TBCD: variants seen among roughly 807,000 people sequenced by gnomAD.
TBCD encodes the protein tubulin-specific chaperone D.
A neutral mutation model predicts 169.3 loss-of-function variants in TBCD; 105 were observed. The observed-to-expected ratio is 0.62, with a 90% CI of 0.53 to 0.73. The LOEUF (loss-of-function observed/expected upper bound fraction) is 0.73, where lower values mean the gene tolerates loss of function less well. Ranked by LOEUF, TBCD falls within the 30% of genes least tolerant of loss-of-function variation. The pLI, the probability that TBCD is intolerant of heterozygous loss-of-function variation, is 0.00. For missense variants in TBCD, 1,444 were observed against 1,600.1 expected, an observed-to-expected ratio of 0.90 and a Z score of 1.66; for synonymous variants, 700 against 643.9, an observed-to-expected ratio of 1.09 and a Z score of -1.32.
intron 6 of TBCD, among the ~76,000 whole-genome samples, chr17:82,779,159 G>C (rs2048787736): frequency 6.6e-6 from 1 of 151,892 alleles, no homozygotes; most frequent in Admixed American, 6.6e-5. Context: ...TTACAGGAAT[G>C]CGCCACCATG....
At chr17:82,937,505 A>G in intron 35 of TBCD, 145 bp downstream of exon 35, 4 of 736,930 alleles carry the variant, frequency 5.4e-6, no homozygotes, top group Non-Finnish European at 8.9e-6. Flanking sequence ...TCCAATGTTC[A>G]AAGCAGTCGC....
Position 82,907,745 on chromosome 17 carries a change from G to A in TBCD, c.1923-16G>A. ...TTGGGGAGTGTGACTTCAGCTCTGT[G>A]TTTGAACTTCTGCAGGCCCGTCACG... On this transcript the variant is annotated splice_polypyrimidine_tract_variant and intron_variant, in intron 20 of 38. Coordinates refer to ENST00000355528, the MANE Select transcript of TBCD (RefSeq NM_005993.5). 6.2e-7 allele frequency: 1 copy of A among 1,613,560 alleles called. No individual in the cohort carries two copies.
At position 82,922,032 on chromosome 17, in the gene TBCD, T is replaced by C. The variant is rs2061448189; in HGVS notation, c.2178+455T>C. Among the ~76,000 whole-genome samples the C allele has an allele frequency of 6.6e-6, 1 of 152,036 alleles. No homozygotes were observed. Among genetic ancestry groups the C allele is most frequent in the Admixed American group, 6.5e-5 (1 of 15,268 alleles). On this transcript the variant is annotated intron_variant, in intron 25 of 38. Coordinates refer to ENST00000355528, the MANE Select transcript of TBCD (RefSeq NM_005993.5). This position sits in a 1 kb window ranked among gnomAD's most constrained non-coding sequence, Gnocchi z 4.1. ...TGTGTGTGTCCCCGGCCACCTGCCCTCCCCTCCCGTCCTGGGGGTTACAGG... is the reference window on the plus strand; with the variant it reads ...TGTGTGTGTCCCCGGCCACCTGCCCCCCCCTCCCGTCCTGGGGGTTACAGG...
At chr17:82,819,079 G>A (rs930958102) in intron 13 of TBCD, among the ~76,000 whole-genome samples, 5 of 152,102 alleles carry the variant, frequency 3.3e-5, no homozygotes, top group African/African-American at 4.8e-5. Context: ...AAAAAAGCGC[G>A]AAAACAAATG....
chr17:82,764,223 A>G (rs1022594827), intron 3 of TBCD, among the ~76,000 whole-genome samples, 161 bp downstream of exon 3: 2 of 152,238 alleles, frequency 1.3e-5, no homozygotes, highest in South Asian at 4.1e-4. Context: ...ATCAGAATTT[A>G]GTGATGTGGG....
At chr17:82,872,276 A>G (rs904887131) in intron 14 of TBCD, among the ~76,000 whole-genome samples, 6 of 152,186 alleles carry the variant, frequency 3.9e-5, no homozygotes, top group Non-Finnish European at 8.8e-5. Flanking sequence ...GTGCTGGCCA[A>G]CGTGTTATGG....
chr17:82,767,850 A>G (rs2048094969), intron 4 of TBCD, among the ~76,000 whole-genome samples: 1 of 152,034 alleles, frequency 6.6e-6, no homozygotes, highest in Admixed American at 6.6e-5. Context: ...AGCTACTCAG[A>G]AGGCTGAGGC....
intron 26 of TBCD, among the ~76,000 whole-genome samples, chr17:82,924,232 G>A (rs983906981): frequency 4.6e-5 from 7 of 152,196 alleles, no homozygotes; most frequent in African/African-American, 9.6e-5. Flanking sequence ...GGGATTACAG[G>A]TGTGAGCCAC....
At chr17:82,879,158 C>T (rs1327831260) in intron 14 of TBCD, among the ~76,000 whole-genome samples, 3 of 149,674 alleles carry the variant, frequency 2.0e-5, no homozygotes, top group Non-Finnish European at 4.4e-5. Flanking sequence ...TGCCCCAGCC[C>T]TAGCATCCAC....
At chr17:82,901,543 T>C (rs1228868692) in intron 18 of TBCD, among the ~76,000 whole-genome samples, 1 of 139,978 alleles carries the variant, frequency 7.1e-6, no homozygotes, top group Non-Finnish European at 1.5e-5. Context: ...TGCCTACTAT[T>C]GGTCCTGCTT....
chr17:82,937,112 T>C (rs1464763331), intron 34 of TBCD, 159 bp from the exon 35 acceptor site: 4 of 628,388 alleles, frequency 6.4e-6, no homozygotes, highest in Non-Finnish European at 1.1e-5. Context: ...GGTATTGGGA[T>C]GGGGACCAGC....
intron 13 of TBCD, among the ~76,000 whole-genome samples, chr17:82,853,859 G>C (rs141963337): frequency 0.015 from 2,254 of 152,176 alleles, 31 homozygotes; most frequent in Non-Finnish European, 0.02. Context: ...ACATGTTTGG[G>C]TGTCTTTGTC....
At chr17:82,925,198 T>G in intron 27 of TBCD, 141 bp downstream of exon 27, 1 of 704,518 alleles carries the variant, frequency 1.4e-6, no homozygotes, top group Non-Finnish European at 2.3e-6. Context: ...CCGGCACCTG[T>G]GGCCAGGAGG....
intron 6 of TBCD, among the ~76,000 whole-genome samples, chr17:82,781,023 G>C (rs1471590401): frequency 6.6e-6 from 1 of 151,992 alleles, no homozygotes; most frequent in African/African-American, 2.4e-5. Context: ...GGGGTGGGGA[G>C]TGTGAGCACT....
intron 30 of TBCD, among the ~76,000 whole-genome samples, chr17:82,928,525 T>G (rs902915574): frequency 2.5e-4 from 38 of 151,908 alleles, no homozygotes; most frequent in African/African-American, 8.9e-4. Flanking sequence ...GCCCTGCCCT[T>G]GCGGATCTCT....
chr17:82,824,786 G>T (rs374041893), intron 13 of TBCD, among the ~76,000 whole-genome samples: 2 of 152,142 alleles, frequency 1.3e-5, no homozygotes, highest in East Asian at 3.9e-4. Context: ...AGTTCCTTTG[G>T]GTATATACCC....
intron 1 of TBCD, among the ~76,000 whole-genome samples, chr17:82,754,830 G>A (rs938239494): frequency 1.3e-5 from 2 of 152,240 alleles, no homozygotes; most frequent in Non-Finnish European, 2.9e-5. Context: ...CTGCTGAGAG[G>A]AGGAGAAAGC....
chr17:82,807,225 C>T (rs546377922), intron 10 of TBCD, among the ~76,000 whole-genome samples: 27 of 152,340 alleles, frequency 1.8e-4, no homozygotes, highest in African/African-American at 5.5e-4. Flanking sequence ...CTGGGAGAGA[C>T]GTCTTCGTGC....
chr17:82,888,234 G>A (rs1024622933), intron 15 of TBCD, among the ~76,000 whole-genome samples: 1 of 152,228 alleles, frequency 6.6e-6, no homozygotes, highest in Non-Finnish European at 1.5e-5. Flanking sequence ...CTGCGTGTCT[G>A]TTCTGCCAGC....
Sources: allele counts gnomAD v4.1 joint callset (sites outside exome capture counted in the v4.1 genomes callset), GRCh38; gene constraint gnomAD v4.1.1; non-coding constraint Gnocchi (gnomAD v3.1); transcripts MANE v1.5; gene names NCBI Gene and HGNC (gene_info 2026-07-23, HGNC 2026-07-21).